The following FBXO24 variants were observed in gnomAD, a reference collection of about 807,000 sequenced individuals.
FBXO24 encodes F-box protein 24, also known as F-box only protein 24.
A neutral mutation model predicts 63.5 loss-of-function variants in FBXO24; 30 were observed. The observed-to-expected ratio is 0.47, with a 90% CI of 0.35 to 0.64. The LOEUF (loss-of-function observed/expected upper bound fraction) is 0.64. Ranked by LOEUF, FBXO24 falls within the 30% of genes least tolerant of loss-of-function variation. The pLI is 0.00. For missense variants in FBXO24, 624 were observed against 763.4 expected, an observed-to-expected ratio of 0.82 and a Z score of 2.15; for synonymous variants, 300 against 305.0, an observed-to-expected ratio of 0.98 and a Z score of 0.17.
intron 5 of FBXO24, among the ~76,000 whole-genome samples, chr7:100,593,457 C>A (rs975421648): frequency 6.6e-6 from 1 of 151,812 alleles, no homozygotes; most frequent in Non-Finnish European, 1.5e-5. Context: ...CTGCCTGACT[C>A]TACTAAAAAA....
At chr7:100,588,068 A>G (rs2131257446) in intron 1 of FBXO24, among the ~76,000 whole-genome samples, 1 of 150,800 alleles carries the variant, frequency 6.6e-6, no homozygotes, top group Non-Finnish European at 1.5e-5. Flanking sequence ...TTGTAGAGAC[A>G]GGGTCCTACT....
In FBXO24 at chr7:100,600,236, AG is replaced by A; in HGVS notation, c.1377+37del. 2 of 1,486,882 alleles carry A rather than the reference AG, an allele frequency of 1.3e-6. No homozygotes were observed. Among genetic ancestry groups the A allele is most frequent in the Middle Eastern group, 1.9e-4 (1 of 5,304 alleles). 92.1% of individuals were successfully genotyped at this position (1,486,882 alleles called of 1,614,324 possible). On this transcript the variant is annotated intron_variant, in intron 9 of 9. Transcript: ENST00000241071. This position sits in a 1 kb window ranked among gnomAD's most constrained non-coding sequence, Gnocchi z 6.3. ...GGGTCAGGAGAGTGGGCACCCAGGG[AG>A]GATGAGAGCCATGAACCAGGAAGCC...
intron 1 of FBXO24, 115 bp downstream of exon 1, chr7:100,586,779 C>T: frequency 8.4e-7 from 1 of 1,195,796 alleles, no homozygotes; most frequent in African/African-American, 1.5e-5. Flanking sequence ...GGGGGCTAGC[C>T]GGCGTCCAGG....
intron 1 of FBXO24, chr7:100,589,474 A>G: frequency 7.8e-7 from 1 of 1,280,752 alleles, no homozygotes; most frequent in African/African-American, 1.5e-5. Flanking sequence ...GAACTGAGCT[A>G]GAACCCAGGA....
chr7:100,594,406 G>A lies in FBXO24; in HGVS notation c.817G>A (p.Val273Ile). The A allele has an allele frequency of 6.2e-7, 1 of 1,612,880 alleles. No homozygotes were observed. Residue 273 changes from valine (V) to isoleucine (I), a missense_variant, in exon 6 of 10, where the codon GTA (valine) becomes ATA (isoleucine). By Grantham distance (29) the Val-to-Ile change is conservative (BLOSUM62 3). Transcript: ENST00000241071. The surrounding 1 kb of genome is among the most constrained non-coding windows in gnomAD (Gnocchi z 4.2). ...AGAGGAAGGAAAGATCTACTCTTTG[G>A]TAGTGAATGAGACCCAGCTTGACCA... The part of the protein sequence containing the change: ...LTEEGKIYSL[V>I]VNETQLDQPR...
chr7:100,592,383 C>A (rs527801122), intron 4 of FBXO24: 1 of 250,914 alleles, frequency 4.0e-6, no homozygotes, highest in Non-Finnish European at 7.8e-6. Context: ...GAAAGAGGCA[C>A]GTCTTACATG....
rs748297574 is a variant in FBXO24, at chr7:100,590,177, G to A, written c.142G>A (p.Glu48Lys). Residue 48 changes from glutamate to lysine, a missense_variant, in exon 3 of 10, where the codon GAG (glutamate) becomes AAG (lysine). Transcript: ENST00000241071. ...CTTCTTCCCTCCTCCCTCCCAGGTG[G>A]AGCATATCATCTCATTCCTCCCAGT... Reference protein sequence around the residue: ...SIQLFPPELVEHIISFLPVRD... With the variant: ...SIQLFPPELVKHIISFLPVRD... The A allele has an allele frequency of 1.2e-5, 19 of 1,613,502 alleles. No homozygotes were observed. The South Asian group carries it at 1.8e-4, about 15-fold the overall frequency.
chr7:100,601,065 C>A lies in FBXO24; in HGVS notation c.*166C>A. On this transcript the variant is annotated 3_prime_UTR_variant, in exon 10 of 10. Coordinates refer to ENST00000241071, the MANE Select transcript of FBXO24 (RefSeq NM_033506.3). ...GGGGCTGCCCAGGAGGGGCCCCCAA[C>A]CTGACTATCATGGACAAGAGATTTG... 1 of 885,426 alleles carries A rather than the reference C, an allele frequency of 1.1e-6. No individual in the cohort carries two copies. The highest frequency in any genetic ancestry group is 1.7e-6 in the Non-Finnish European group (1 of 600,144). 54.8% of individuals were successfully genotyped at this position (885,426 alleles called of 1,614,324 possible). A position where few individuals can be genotyped will look rare whatever the true frequency, so the allele number is the denominator to read the frequency against.
intron 1 of FBXO24, among the ~76,000 whole-genome samples, chr7:100,587,337 C>T (rs1801806960): frequency 6.6e-6 from 1 of 152,122 alleles, no homozygotes. Context: ...GAGTCTCGCT[C>T]AGTCGCCCAG....
At chr7:100,589,366 A>G (rs1801887950) in intron 1 of FBXO24, 3 of 1,131,214 alleles carry the variant, frequency 2.7e-6, no homozygotes, top group South Asian at 8.8e-5. Context: ...CAAATAGGAA[A>G]ACTTCCTCCT....
intron 8 of FBXO24, among the ~76,000 whole-genome samples, chr7:100,596,038 G>T (rs1419477914): frequency 1.3e-5 from 2 of 152,142 alleles, no homozygotes; most frequent in African/African-American, 4.8e-5. Flanking sequence ...GACACTTTGG[G>T]AGGCCGAGGT....
chr7:100,586,704 G>C, intron 1 of FBXO24, 40 bp downstream of exon 1: 2 of 1,611,978 alleles, frequency 1.2e-6, no homozygotes, highest in Non-Finnish European at 1.7e-6. Flanking sequence ...GAATGAACGC[G>C]GAGCCCCTGG....
rs1802215098 is a variant in FBXO24, at chr7:100,594,661, T to C, written c.952+120T>C. On this transcript the variant is annotated intron_variant, in intron 6 of 9. Transcript: ENST00000241071. The surrounding 1 kb of genome is among the most constrained non-coding windows in gnomAD (Gnocchi z 4.2). ...CCCTGAGGGCATCCTAGTGAAAAGA[T>C]GTGTTTAGGGCCGGCATGGTGACTC... 2 of 1,185,170 alleles carry C rather than the reference T, an allele frequency of 1.7e-6. No individual in the cohort carries two copies. The highest frequency in any genetic ancestry group is 1.6e-5 in the African/African-American group (1 of 64,406). The allele number at this position is 1,185,170 out of a possible 1,614,324, so 73.4% of individuals were successfully genotyped here.
At chr7:100,593,637 A>T (rs1335283454) in intron 5 of FBXO24, among the ~76,000 whole-genome samples, 3 of 151,000 alleles carry the variant, frequency 2.0e-5, no homozygotes, top group East Asian at 3.9e-4. Flanking sequence ...AAAAAAAAAA[A>T]AAAAAAAAAA....
In FBXO24 at chr7:100,588,016, G is replaced by A. The variant is rs146220556; in HGVS notation, c.39+1352G>A. On this transcript the variant is annotated intron_variant, in intron 1 of 9. Coordinates refer to ENST00000241071, the MANE Select transcript of FBXO24 (RefSeq NM_033506.3). ...TCCCACCTCAGCCTCCCGAGTAACT[G>A]GGACTACAAGCACGCACCACCATGC... is the stretch of plus-strand genomic sequence containing the variant. Among the ~76,000 whole-genome samples the A allele has an allele frequency of 6.1e-3, 933 of 152,116 alleles. 8 individuals carry two copies. The highest frequency in any genetic ancestry group is 0.022 in the African/African-American group (896 of 41,494).
Position 100,594,445 on chromosome 7 carries a change from A to G in FBXO24, c.856A>G (p.Thr286Ala). The G allele has an allele frequency of 6.2e-7, 1 of 1,613,716 alleles. No individual in the cohort carries two copies. Among genetic ancestry groups the G allele is most frequent in the East Asian group, 2.2e-5 (1 of 44,860 alleles). Residue 286 changes from threonine to alanine, a missense_variant, in exon 6 of 10, where the codon ACG becomes GCG. Transcript: ENST00000241071. This position sits in a 1 kb window ranked among gnomAD's most constrained non-coding sequence, Gnocchi z 4.2. ...CCAGCTTGACCAGCCACGCTCCTACACGGTTCAGCTGGCCCTGAGGAAGGT... is the reference window on the plus strand; with the variant it reads ...CCAGCTTGACCAGCCACGCTCCTACGCGGTTCAGCTGGCCCTGAGGAAGGT... ...ETQLDQPRSY[T>A]VQLALRKVSH...
At position 100,594,464 on chromosome 7, in the gene FBXO24, G is replaced by A; in HGVS notation, c.875G>A (p.Arg292Lys). 1 of 1,613,734 alleles carries A rather than the reference G, an allele frequency of 6.2e-7. No homozygotes were observed. The highest frequency in any genetic ancestry group is 8.5e-7 in the Non-Finnish European group (1 of 1,179,820). The change falls in exon 6 of 10, where the codon AGG (arginine) becomes AAG (lysine). Residue 292 changes from arginine (R) to lysine (K), a missense_variant. Physicochemically the swap from Arg to Lys is conservative, Grantham distance 26. Coordinates refer to ENST00000241071, the MANE Select transcript of FBXO24 (RefSeq NM_033506.3). The surrounding 1 kb of genome is among the most constrained non-coding windows in gnomAD (Gnocchi z 4.2). ...PRSYTVQLALRKVSHYLPHLR... is the reference protein window; with the variant it reads ...PRSYTVQLALKKVSHYLPHLR... ...TCCTACACGGTTCAGCTGGCCCTGA[G>A]GAAGGTGTCCCACTACCTGCCTCAC... is the stretch of plus-strand genomic sequence containing the variant.
chr7:100,590,035 A>T lies in FBXO24; in HGVS notation c.98A>T (p.Lys33Ile), dbSNP rs1562815396. 1 of 1,613,680 alleles carries T rather than the reference A, an allele frequency of 6.2e-7. No individual in the cohort carries two copies. Among genetic ancestry groups the T allele is most frequent in the Non-Finnish European group, 8.5e-7 (1 of 1,179,882 alleles). Residue 33 changes from lysine to isoleucine, a missense_variant, in exon 2 of 10, where the codon AAA (lysine) becomes ATA (isoleucine). Physicochemically the swap from Lys to Ile is moderately radical, Grantham distance 102. Coordinates refer to ENST00000241071, the MANE Select transcript of FBXO24 (RefSeq NM_033506.3). ...CTTGGGGTTGAAGAGAAGAGGGGGA[A>T]AGGAAATCCGATTTCCATCCAGTTG... Reference protein sequence around the residue: ...SELGVEEKRGKGNPISIQLFP... With the variant: ...SELGVEEKRGIGNPISIQLFP...
At chr7:100,589,495 A>T in intron 1 of FBXO24, 1 of 1,300,294 alleles carries the variant, frequency 7.7e-7, no homozygotes, top group Non-Finnish European at 9.8e-7. Flanking sequence ...GCTGTCTAAG[A>T]GATGGGTCCT....
Sources: gnomAD v4.1 joint callset for allele counts (sites outside exome capture counted in the v4.1 genomes callset) on GRCh38, gnomAD v4.1.1 for gene constraint, Gnocchi (gnomAD v3.1) non-coding constraint, MANE v1.5 for transcripts, NCBI Gene and HGNC (gene_info 2026-07-23, HGNC 2026-07-21) for gene names.